The following LDLRAD4 variants were observed in gnomAD, a reference collection of about 807,000 sequenced individuals.
LDLRAD4 encodes low density lipoprotein receptor class A domain containing 4.
LDLRAD4 carries 5 observed loss-of-function variants against 17.0 expected under a neutral mutation model. The observed-to-expected ratio is 0.29, with a 90% confidence interval of 0.15 to 0.62. The LOEUF (loss-of-function observed/expected upper bound fraction) is 0.62, where lower values mean the gene tolerates loss of function less well. Among genes scored for constraint, LDLRAD4 ranks in the 20% least tolerant of loss-of-function variants. LDLRAD4 has a pLI of 0.84. For synonymous variants in LDLRAD4, 168 were observed against 171.8 expected (o/e 0.98, Z 0.17); for missense variants, 340 against 424.7 (o/e 0.80, Z 1.75).
At chr18:13,612,020 C>A (rs554081916) in intron 3 of LDLRAD4, 1 of 985,458 alleles carries the variant, frequency 1.0e-6, no homozygotes, top group Non-Finnish European at 1.2e-6. Flanking sequence ...GGGAGAAGCA[C>A]GCGAGCCTAA....
At chr18:13,457,171 C>T (rs531784817) in intron 3 of LDLRAD4, among the ~76,000 whole-genome samples, 1 of 152,394 alleles carries the variant, frequency 6.6e-6, no homozygotes, top group African/African-American at 2.4e-5. Flanking sequence ...TTCTGACCGA[C>T]TGGCTTCAGG....
chr18:13,347,238 T>C (rs867479839), intron 1 of LDLRAD4, among the ~76,000 whole-genome samples: 5 of 152,108 alleles, frequency 3.3e-5, no homozygotes, highest in Middle Eastern at 3.4e-3. Flanking sequence ...TTTAGTGCTT[T>C]CTTCAGGAGC....
At chr18:13,397,037 C>G (rs12960097) in intron 2 of LDLRAD4, among the ~76,000 whole-genome samples, 1 of 152,324 alleles carries the variant, frequency 6.6e-6, no homozygotes, top group African/African-American at 2.4e-5. Context: ...GGGGGTGTGC[C>G]CATTTCACAC....
At chr18:13,296,577 C>CTT (rs757574079) in intron 1 of LDLRAD4, among the ~76,000 whole-genome samples, 1 of 134,852 alleles carries the variant, frequency 7.4e-6, no homozygotes. Context: ...TTCTCTTAAC[C>CTT]TTTTTTTTTT....
intron 1 of LDLRAD4, among the ~76,000 whole-genome samples, chr18:13,268,605 C>T (rs913351230): frequency 2.0e-5 from 3 of 152,224 alleles, no homozygotes; most frequent in African/African-American, 7.2e-5. Context: ...CTCCAGACTT[C>T]GCTGCTTTCT....
chr18:13,262,395 T>C (rs71353256), intron 1 of LDLRAD4, among the ~76,000 whole-genome samples: 1,996 of 36,822 alleles, frequency 0.054, 20 homozygotes, highest in South Asian at 0.12. Context: ...GAGTCCCGTG[T>C]GGCTCTGTGC....
At chr18:13,364,061 A>G (rs748761859) in intron 1 of LDLRAD4, among the ~76,000 whole-genome samples, 6 of 152,226 alleles carry the variant, frequency 3.9e-5, no homozygotes, top group Admixed American at 6.5e-5. Flanking sequence ...TCTAAAGAAT[A>G]AATATAATTA....
intron 2 of LDLRAD4, among the ~76,000 whole-genome samples, chr18:13,390,624 G>A (rs1164312984): frequency 2.0e-5 from 3 of 152,050 alleles, no homozygotes; most frequent in Non-Finnish European, 4.4e-5. Context: ...AGTGTTCAGA[G>A]AGAGGCCAGG....
intron 1 of LDLRAD4, among the ~76,000 whole-genome samples, chr18:13,299,397 T>C (rs977200305): frequency 2.2e-4 from 33 of 152,090 alleles, no homozygotes; most frequent in African/African-American, 7.5e-4. Context: ...CTCCCCACCT[T>C]AGAGGAAGAA....
intron 1 of LDLRAD4, among the ~76,000 whole-genome samples, chr18:13,261,629 A>G (rs1322051958): frequency 2.6e-5 from 4 of 152,184 alleles, no homozygotes; most frequent in Admixed American, 6.6e-5. Context: ...TCGTTCCATC[A>G]ACCGTGCGGT....
chr18:13,303,052 A>G (rs1464697629), intron 1 of LDLRAD4, among the ~76,000 whole-genome samples: 1 of 152,160 alleles, frequency 6.6e-6, no homozygotes, highest in Non-Finnish European at 1.5e-5. Context: ...GATTCTTTAG[A>G]CTTCTCCAGT....
At chr18:13,457,568 A>G (rs1359513669) in intron 3 of LDLRAD4, among the ~76,000 whole-genome samples, 7 of 152,228 alleles carry the variant, frequency 4.6e-5, no homozygotes, top group Admixed American at 4.6e-4. Context: ...CAGAAAGGAC[A>G]GGAGAAGGTT....
At chr18:13,353,896 A>G (rs2083187875) in intron 1 of LDLRAD4, among the ~76,000 whole-genome samples, 1 of 152,254 alleles carries the variant, frequency 6.6e-6, no homozygotes, top group African/African-American at 2.4e-5. Flanking sequence ...AAGTTAATGT[A>G]GCTAGTCTCT....
intron 1 of LDLRAD4, among the ~76,000 whole-genome samples, chr18:13,310,611 C>T (rs966631722): frequency 2.6e-5 from 4 of 152,096 alleles, no homozygotes; most frequent in South Asian, 2.1e-4. Context: ...GACCCCTACC[C>T]GCCCCTTCAC....
chr18:13,327,762 C>T (rs555098487), intron 1 of LDLRAD4, among the ~76,000 whole-genome samples: 5 of 152,282 alleles, frequency 3.3e-5, no homozygotes, highest in African/African-American at 1.2e-4. Context: ...CAGAGACCCA[C>T]AGAGCAGGCT....
chr18:13,615,706 T>G (rs1220241542), intron 3 of LDLRAD4: 1 of 152,258 alleles, frequency 6.6e-6, no homozygotes, highest in African/African-American at 2.4e-5. Context: ...CTAGGATGCC[T>G]TCCTGTAAGT....
chr18:13,444,741 C>T (rs757612118), intron 3 of LDLRAD4, among the ~76,000 whole-genome samples: 47 of 152,142 alleles, frequency 3.1e-4, no homozygotes, highest in Admixed American at 6.5e-4. Context: ...CGGTGCCTGG[C>T]GCATGTAGCA....
chr18:13,560,968 G>A (rs1025605590), intron 3 of LDLRAD4, among the ~76,000 whole-genome samples: 26 of 152,194 alleles, frequency 1.7e-4, no homozygotes, highest in Non-Finnish European at 3.4e-4. Flanking sequence ...AAAACCAGGA[G>A]CCTCGTTCTG....
chr18:13,344,166 G>A (rs191270622), intron 1 of LDLRAD4, among the ~76,000 whole-genome samples: 20 of 152,280 alleles, frequency 1.3e-4, no homozygotes, highest in Non-Finnish European at 2.6e-4. Context: ...CCATGCCTAC[G>A]TCCTGAATGG....
Sources: allele counts gnomAD v4.1 joint callset (sites outside exome capture counted in the v4.1 genomes callset), GRCh38; gene constraint gnomAD v4.1.1; transcripts MANE v1.5; gene names NCBI Gene and HGNC (gene_info 2026-07-23, HGNC 2026-07-21).